Variants in RARA observed in about 807,000 individuals in gnomAD.
RARA encodes the protein retinoic acid receptor alpha.
In RARA, 5 loss-of-function variants were observed where a neutral mutation model predicts 42.8. The observed-to-expected ratio is 0.12, with a 90% CI of 0.06 to 0.25. The LOEUF is 0.25. Ranked by LOEUF, RARA falls within the 10% of genes least tolerant of loss-of-function variation. The pLI is 1.00. For synonymous variants in RARA, 256 were observed against 259.5 expected, an observed-to-expected ratio of 0.99 and a Z score of 0.13; for missense variants, 402 against 628.7, an observed-to-expected ratio of 0.64 and a Z score of 3.86.
chr17:40,326,768 G>C lies in RARA; in HGVS notation c.-362-4089G>C, dbSNP rs1460766196. On this transcript the variant is annotated intron_variant, in intron 1 of 8. Transcript: ENST00000254066. This position sits in a 1 kb window ranked among gnomAD's most constrained non-coding sequence, Gnocchi z 5.2. ...TTTGTTTTCCCTCTCTTTGGTACTGGTTTCGATTCTCTGCCGAGGCCTTCT... is the reference window on the plus strand; with the variant it reads ...TTTGTTTTCCCTCTCTTTGGTACTGCTTTCGATTCTCTGCCGAGGCCTTCT... 6.6e-6 allele frequency among the ~76,000 whole-genome samples: 1 copy of C among 152,150 alleles called. No homozygotes were observed. Among genetic ancestry groups the C allele is most frequent in the African/African-American group, 2.4e-5 (1 of 41,426 alleles).
rs1292720890 is a variant in RARA, at chr17:40,351,923, C to A, written c.483C>A (p.Asp161Glu). 1 of 1,612,348 alleles carries A rather than the reference C, an allele frequency of 6.2e-7. No homozygotes were observed. Among genetic ancestry groups the A allele is most frequent in the Non-Finnish European group, 8.5e-7 (1 of 1,179,516 alleles). The change falls in exon 5 of 9, where the codon GAC (aspartate) becomes GAA (glutamate). Residue 161 changes from aspartate (D) to glutamate (E), a missense_variant. Physicochemically the swap from Asp to Glu is conservative, Grantham distance 45. This residue lies in a region of RARA where 130 missense variants were observed against 267.9 expected (regional missense o/e 0.49). Transcript: ENST00000254066. The surrounding 1 kb of genome is among the most constrained non-coding windows in gnomAD (Gnocchi z 4.1). ...TGCCCTCCACAGCTGTGAGAAACGA[C>A]CGAAACAAGAAGAAGAAGGAGGTGC... ...VGMSKESVRN[D>E]RNKKKKEVPK...
At chr17:40,349,472 A>C in intron 3 of RARA, 1 of 299,840 alleles carries the variant, frequency 3.3e-6, no homozygotes, top group South Asian at 4.7e-5. Flanking sequence ...AGTTAGCCCC[A>C]TGTCTTCCTA....
chr17:40,331,244 C>A lies in RARA; in HGVS notation c.26C>A (p.Pro9Gln). The A allele has an allele frequency of 6.2e-7, 1 of 1,612,922 alleles. No individual in the cohort carries two copies. The highest frequency in any genetic ancestry group is 8.5e-7 in the Non-Finnish European group (1 of 1,179,718). The change falls in exon 2 of 9, where the codon CCG (proline) becomes CAG (glutamine). Residue 9 changes from proline to glutamine, a missense_variant. Coordinates refer to ENST00000254066, the MANE Select transcript of RARA (RefSeq NM_000964.4). The stretch of plus-strand genomic sequence containing the variant: ...ATGGCCAGCAACAGCAGCTCCTGCC[C>A]GACACCTGGGGGCGGGCACCTCAAT... MASNSSSC[P>Q]TPGGGHLNGY...
Position 40,351,641 on chromosome 17 carries a change from C to T in RARA, c.470-269C>T, listed in dbSNP as rs2034456107. On this transcript the variant is annotated intron_variant, in intron 4 of 8. Coordinates refer to ENST00000254066, the MANE Select transcript of RARA (RefSeq NM_000964.4). This position sits in a 1 kb window ranked among gnomAD's most constrained non-coding sequence, Gnocchi z 4.1. ...GAGTAGACGCGTGGGGGATAGCATG[C>T]GGCTGGCTATGGGGTGGGGTGGGGG... The T allele has an allele frequency of 3.8e-6, 2 of 527,422 alleles. No homozygotes were observed. The highest frequency in any genetic ancestry group is 6.9e-6 in the Non-Finnish European group (2 of 287,830). 32.7% of individuals were successfully genotyped at this position (527,422 alleles called of 1,614,324 possible).
intron 2 of RARA, chr17:40,341,359 C>T (rs1478767289): frequency 2.8e-6 from 4 of 1,446,660 alleles, no homozygotes; most frequent in East Asian, 3.0e-5. Flanking sequence ...ACCCGCGCTG[C>T]CGCGTCGGGT....
intron 1 of RARA, among the ~76,000 whole-genome samples, chr17:40,328,001 A>T (rs2033592147): frequency 6.6e-6 from 1 of 152,150 alleles, no homozygotes; most frequent in Non-Finnish European, 1.5e-5. Context: ...AGGAGTGAGG[A>T]GAGAGGCCCT....
At chr17:40,319,238 T>A (rs2033299390) in intron 1 of RARA, among the ~76,000 whole-genome samples, 1 of 152,092 alleles carries the variant, frequency 6.6e-6, no homozygotes, top group Non-Finnish European at 1.5e-5. Flanking sequence ...GGCACTGGCC[T>A]ATTGTCAGGC....
At chr17:40,318,047 C>T (rs939297377) in intron 1 of RARA, among the ~76,000 whole-genome samples, 6 of 152,218 alleles carry the variant, frequency 3.9e-5, no homozygotes, top group African/African-American at 7.2e-5. Flanking sequence ...GAGGGATTCT[C>T]CCGGATTCCC....
intron 2 of RARA, chr17:40,342,818 T>G (rs1216679938): frequency 6.2e-7 from 1 of 1,612,880 alleles, no homozygotes; most frequent in Admixed American, 1.7e-5. Flanking sequence ...CCGCCCCGGG[T>G]CCGTACTCCA....
At chr17:40,333,210 C>T (rs374908035) in intron 2 of RARA, among the ~76,000 whole-genome samples, 50 of 152,208 alleles carry the variant, frequency 3.3e-4, no homozygotes, top group Non-Finnish European at 4.7e-4. Context: ...CCACCATGCC[C>T]GGCTACTTTT....
chr17:40,351,939 A>AAGG lies in RARA; in HGVS notation c.503_505dup (p.Glu168dup). Reference sequence around the variant, plus strand: ...GAGAAACGACCGAAACAAGAAGAAGAAGGAGGTGCCCAAGCCCGAGTGCTC... The same window carrying AAGG: ...GAGAAACGACCGAAACAAGAAGAAGAAGGAGGAGGTGCCCAAGCCCGAGTGCTC... On this transcript the variant is annotated inframe_insertion, in exon 5 of 9. Coordinates refer to ENST00000254066, the MANE Select transcript of RARA (RefSeq NM_000964.4). The surrounding 1 kb of genome is among the most constrained non-coding windows in gnomAD (Gnocchi z 4.1). The AAGG allele has an allele frequency of 1.9e-6, 3 of 1,612,474 alleles. No individual in the cohort carries two copies. The highest frequency in any genetic ancestry group is 1.7e-4 in the Middle Eastern group (1 of 6,050).
chr17:40,338,371 T>C (rs1306190622), intron 2 of RARA, among the ~76,000 whole-genome samples: 1 of 152,194 alleles, frequency 6.6e-6, no homozygotes, highest in Non-Finnish European at 1.5e-5. Context: ...CCACTCAACC[T>C]TTGGCTGTCA....
chr17:40,322,684 G>A (rs1404095204), intron 1 of RARA, among the ~76,000 whole-genome samples: 1 of 152,022 alleles, frequency 6.6e-6, no homozygotes, highest in East Asian at 1.9e-4. Context: ...AAGCTGCGGT[G>A]GGGAGTTCTC....
chr17:40,340,500 T>A (rs59406133), intron 2 of RARA, among the ~76,000 whole-genome samples: 18,726 of 152,158 alleles, frequency 0.12, 1,341 homozygotes, highest in East Asian at 0.36. Flanking sequence ...GCCAGTTCCT[T>A]CAATGAACTC....
chr17:40,339,852 G>T (rs1235617626), intron 2 of RARA, among the ~76,000 whole-genome samples: 3 of 152,196 alleles, frequency 2.0e-5, no homozygotes, highest in Admixed American at 6.5e-5. Context: ...GCAGCTGTGA[G>T]CGCAGAGCCT....
chr17:40,316,772 C>T (rs1441253504), intron 1 of RARA, among the ~76,000 whole-genome samples: 1 of 136,100 alleles, frequency 7.3e-6, no homozygotes, highest in Non-Finnish European at 1.6e-5. Flanking sequence ...GCATTCCTGC[C>T]GGCTGAGCGC....
Position 40,351,793 on chromosome 17 carries a change from G to T in RARA, c.470-117G>T, listed in dbSNP as rs1328017604. ...CTGCCCGTGAACGCGTGCTGTGTGC[G>T]CGTGCTTACAAGCCTGGGTGACCTC... On this transcript the variant is annotated intron_variant, in intron 4 of 8. Transcript: ENST00000254066. The surrounding 1 kb of genome is among the most constrained non-coding windows in gnomAD (Gnocchi z 4.1). 14 of 1,351,856 alleles carry T rather than the reference G, an allele frequency of 1.0e-5. No homozygotes were observed. Among genetic ancestry groups the T allele is most frequent in the Non-Finnish European group, 1.3e-5 (13 of 996,052 alleles). 83.7% of individuals were successfully genotyped at this position (1,351,856 alleles called of 1,614,324 possible).
Position 40,354,273 on chromosome 17 carries a change from C to T in RARA, c.808-29C>T, listed in dbSNP as rs560767332. 3.7e-6 allele frequency: 6 copies of T among 1,606,574 alleles called. No homozygotes were observed. In the East Asian group the frequency reaches 1.3e-4, roughly 36 times the overall value. The stretch of plus-strand genomic sequence containing the variant: ...TGCTCAGAGTGGGTTCGGGTTCAGT[C>T]CCTGAACCCAAGCATCCTCTGCACC... On this transcript the variant is annotated intron_variant, in intron 6 of 8. Coordinates refer to ENST00000254066, the MANE Select transcript of RARA (RefSeq NM_000964.4). This position sits in a 1 kb window ranked among gnomAD's most constrained non-coding sequence, Gnocchi z 4.5.
chr17:40,353,830 G>A lies in RARA; in HGVS notation c.808-472G>A, dbSNP rs370704794. ...CCATGCCGTGGATGCAGGAGGTGCC[G>A]TCTGGGTTCCTGCAACCACATTCAA... On this transcript the variant is annotated intron_variant, in intron 6 of 8. Coordinates refer to ENST00000254066, the MANE Select transcript of RARA (RefSeq NM_000964.4). Among the ~76,000 whole-genome samples, 5 of 152,226 alleles carry A rather than the reference G, an allele frequency of 3.3e-5. No homozygotes were observed. The South Asian group carries it at 6.2e-4, about 19-fold the overall frequency.
Sources: gnomAD v4.1 joint callset for allele counts (sites outside exome capture counted in the v4.1 genomes callset) on GRCh38, gnomAD v4.1.1 for gene constraint, gnomAD v4.1.1 regional missense constraint, Gnocchi (gnomAD v3.1) non-coding constraint, MANE v1.5 for transcripts, NCBI Gene and HGNC (gene_info 2026-07-23, HGNC 2026-07-21) for gene names.